The following CTNNA3 variants were observed in gnomAD, a reference collection of about 807,000 sequenced individuals.
CTNNA3 encodes the protein catenin alpha 3.
A neutral mutation model predicts 95.7 loss-of-function variants in CTNNA3; 76 were observed. The observed-to-expected ratio is 0.79, with a 90% CI of 0.66 to 0.96. CTNNA3 has a LOEUF of 0.96. CTNNA3 is among the 40% of genes least tolerant of loss of function. The pLI is 0.00. For missense variants in CTNNA3, 1,191 were observed against 1,089.8 expected, an observed-to-expected ratio of 1.09 and a Z score of -1.31; for synonymous variants, 431 against 374.4, an observed-to-expected ratio of 1.15 and a Z score of -1.74.
chr10:66,218,954 A>C (rs2088733152), intron 13 of CTNNA3, among the ~76,000 whole-genome samples: 1 of 152,336 alleles, frequency 6.6e-6, no homozygotes, highest in East Asian at 1.9e-4. Context: ...CTAGGAACAA[A>C]GACTCCTTTG....
intron 1 of CTNNA3, among the ~76,000 whole-genome samples, chr10:67,725,207 C>T (rs1403535229): frequency 2.0e-5 from 3 of 149,918 alleles, no homozygotes; most frequent in Non-Finnish European, 4.4e-5. Flanking sequence ...ACGGGAGTCT[C>T]GCTCTGTTGC....
intron 11 of CTNNA3, among the ~76,000 whole-genome samples, chr10:66,502,271 G>C (rs1309418466): frequency 6.6e-6 from 1 of 152,096 alleles, no homozygotes; most frequent in Non-Finnish European, 1.5e-5. Context: ...ACTGATATGT[G>C]TTGGTCTGGC....
At chr10:66,455,405 T>C (rs1176640445) in intron 11 of CTNNA3, among the ~76,000 whole-genome samples, 2 of 151,704 alleles carry the variant, frequency 1.3e-5, no homozygotes, top group African/African-American at 4.8e-5. Context: ...TGCAGCAAGG[T>C]TATAGTGAGG....
intron 9 of CTNNA3, among the ~76,000 whole-genome samples, chr10:66,689,104 GAATCAA>G (rs1847416585): frequency 7.5e-3 from 1 of 134 alleles, no homozygotes; most frequent in Non-Finnish European, 0.013. Flanking sequence ...GTGTATCCAT[GAATCAA>G]TGAATCAATG....
intron 1 of CTNNA3, among the ~76,000 whole-genome samples, chr10:67,693,335 T>C (rs566967810): frequency 6.6e-6 from 1 of 152,236 alleles, no homozygotes; most frequent in Admixed American, 6.5e-5. Flanking sequence ...AAATCCAGTA[T>C]CCAAACAAGA....
intron 7 of CTNNA3, chr10:67,097,691 G>A (rs544274000): frequency 1.4e-5 from 23 of 1,612,506 alleles, no homozygotes; most frequent in Admixed American, 5.0e-5. Context: ...CCTTTGAAAC[G>A]AATGCACAGG....
At chr10:66,157,183 C>T (rs1903767) in intron 13 of CTNNA3, among the ~76,000 whole-genome samples, 26,790 of 151,680 alleles carry the variant, frequency 0.18, 2,570 homozygotes, top group Admixed American at 0.25. Flanking sequence ...GTGTTTTATC[C>T]CTCGTCCCCC....
At chr10:67,469,607 CG>C (rs953631458) in intron 5 of CTNNA3, among the ~76,000 whole-genome samples, 1 of 69,178 alleles carries the variant, frequency 1.4e-5, no homozygotes, top group Non-Finnish European at 2.9e-5. Flanking sequence ...CGGGGCCTGT[CG>C]GGGGGTGGGG....
chr10:66,142,782 T>C (rs965448163), intron 13 of CTNNA3, among the ~76,000 whole-genome samples: 4 of 152,130 alleles, frequency 2.6e-5, no homozygotes, highest in Non-Finnish European at 5.9e-5. Flanking sequence ...TTTTCTTCAG[T>C]GAATTCTAAT....
chr10:66,953,251 C>T (rs1848629032), intron 7 of CTNNA3, among the ~76,000 whole-genome samples: 1 of 152,164 alleles, frequency 6.6e-6, no homozygotes, highest in Non-Finnish European at 1.5e-5. Context: ...CTTCTGATAT[C>T]ACAGAAAAGT....
intron 5 of CTNNA3, among the ~76,000 whole-genome samples, chr10:67,449,735 G>A (rs963541893): frequency 6.6e-6 from 1 of 152,056 alleles, no homozygotes; most frequent in Non-Finnish European, 1.5e-5. Flanking sequence ...ATACCATTCT[G>A]AACATAAGAA....
In CTNNA3 at chr10:66,213,437, G is replaced by A. The variant is rs574666926; in HGVS notation, c.1884+67033C>T. 1.8e-4 allele frequency among the ~76,000 whole-genome samples: 27 copies of A among 152,194 alleles called. No individual in the cohort carries two copies. The South Asian group carries it at 4.6e-3, about 26-fold the overall frequency. ...ACTAGCTAGATGAATTACTGACTAC[G>A]CTACATTTTTTCCTATGTCAGGGAA... On this transcript the variant is annotated intron_variant, in intron 13 of 17. Coordinates refer to ENST00000433211, the MANE Select transcript of CTNNA3 (RefSeq NM_013266.4).
At chr10:66,001,149 T>G (rs1215669191) in intron 15 of CTNNA3, among the ~76,000 whole-genome samples, 1 of 151,914 alleles carries the variant, frequency 6.6e-6, no homozygotes, top group Non-Finnish European at 1.5e-5. Context: ...ATATACTACA[T>G]TGCATAGATT....
At chr10:67,364,914 C>A (rs187398666) in intron 5 of CTNNA3, among the ~76,000 whole-genome samples, 3 of 152,154 alleles carry the variant, frequency 2.0e-5, no homozygotes, top group African/African-American at 7.2e-5. Flanking sequence ...CCCACATAGC[C>A]AAGACAATCC....
intron 5 of CTNNA3, among the ~76,000 whole-genome samples, chr10:67,372,080 T>C (rs1206500095): frequency 6.6e-6 from 1 of 152,298 alleles, no homozygotes; most frequent in East Asian, 1.9e-4. Flanking sequence ...GGGTTGTTTT[T>C]TTTTTCTTGT....
chr10:66,062,022 C>T (rs1173083105), intron 15 of CTNNA3, among the ~76,000 whole-genome samples: 3 of 152,062 alleles, frequency 2.0e-5, no homozygotes, highest in African/African-American at 4.8e-5. Context: ...ATTCTGAAGT[C>T]GGACCAACCT....
At chr10:66,324,129 G>T (rs117668631) in intron 12 of CTNNA3, among the ~76,000 whole-genome samples, 8,822 of 151,950 alleles carry the variant, frequency 0.058, 412 homozygotes, top group Middle Eastern at 0.1. Context: ...AGTCCAGCCT[G>T]GCCAATATGG....
At chr10:66,375,161 T>C (rs1256650741) in intron 12 of CTNNA3, among the ~76,000 whole-genome samples, 1 of 151,764 alleles carries the variant, frequency 6.6e-6, no homozygotes. Context: ...TTAATAATCT[T>C]GGCATGTCCC....
chr10:67,325,583 T>C (rs1462266349), intron 5 of CTNNA3, among the ~76,000 whole-genome samples: 1 of 152,224 alleles, frequency 6.6e-6, no homozygotes, highest in Non-Finnish European at 1.5e-5. Context: ...TATTACACTA[T>C]AGTCCATGAC....
Sources: allele counts gnomAD v4.1 joint callset (sites outside exome capture counted in the v4.1 genomes callset), GRCh38; gene constraint gnomAD v4.1.1; transcripts MANE v1.5; gene names NCBI Gene and HGNC (gene_info 2026-07-23, HGNC 2026-07-21).